Variants in NT5DC1 observed in about 807,000 individuals in gnomAD.
NT5DC1 encodes the protein 5'-nucleotidase domain containing 1, also known as 5'-nucleotidase domain-containing protein 1.
A neutral mutation model predicts 59.4 loss-of-function variants in NT5DC1; 42 were observed. The ratio of observed to expected loss-of-function variants is 0.71; its 90% confidence interval spans 0.55 to 0.92. NT5DC1 has a LOEUF of 0.92. Among genes scored for constraint, NT5DC1 ranks in the 40% least tolerant of loss-of-function variants. The probability of loss-of-function intolerance (pLI) is 0.00; values close to 1 mark genes in which losing one functional copy is unlikely to be tolerated. For missense variants in NT5DC1, 501 were observed against 537.1 expected, an observed-to-expected ratio of 0.93 and a Z score of 0.66; for synonymous variants, 172 against 188.1, an observed-to-expected ratio of 0.91 and a Z score of 0.70.
At chr6:116,129,189 C>T (rs1301348699) in intron 6 of NT5DC1, among the ~76,000 whole-genome samples, 1 of 152,098 alleles carries the variant, frequency 6.6e-6, no homozygotes, top group Non-Finnish European at 1.5e-5. Flanking sequence ...TCATCAAATC[C>T]TGTAGTTCAC....
In NT5DC1 at chr6:116,245,619, TGAAA is replaced by T. The variant is rs1771832844; in HGVS notation, c.*1598_*1601del. ...ATAAATAATCAAGCTTAGGACTAAA[TGAAA>T]GATACTATCTCATGTATGCTTTAAA... On this transcript the variant is annotated 3_prime_UTR_variant, in exon 12 of 12. Transcript: ENST00000319550. 6.6e-6 allele frequency: 1 copy of T among 152,210 alleles called. No homozygotes were observed. Among genetic ancestry groups the T allele is most frequent in the Non-Finnish European group, 1.5e-5 (1 of 67,996 alleles). The allele number at this position is 152,210 out of a possible 1,614,324, so 9.4% of individuals were successfully genotyped here.
chr6:116,207,695 C>T (rs1181645341), intron 6 of NT5DC1, among the ~76,000 whole-genome samples: 1 of 151,802 alleles, frequency 6.6e-6, no homozygotes, highest in African/African-American at 2.4e-5. Context: ...GTTAAAAGCC[C>T]TGCTTAGAGT....
chr6:116,129,043 T>C lies in NT5DC1; in HGVS notation c.529+11098T>C, dbSNP rs181725126. On this transcript the variant is annotated intron_variant, in intron 6 of 11. Transcript: ENST00000319550. ...AATTCTCTTTTCATTCACCACTCCT[T>C]CAAATTTTGAAGTAAATCCCATATA... Among the ~76,000 whole-genome samples, 440 of 152,294 alleles carry C rather than the reference T, an allele frequency of 2.9e-3. 10 individuals are homozygous for C. The South Asian group carries it at 0.044, about 15-fold the overall frequency.
Position 116,182,222 on chromosome 6 carries a change from A to AGAGAGAGAGAGTGTGTGTGT in NT5DC1, c.530-38831_530-38830insAGAGAGAGAGTGTGTGTGTG, listed in dbSNP as rs148509481. Among the ~76,000 whole-genome samples, 8 of 124,688 alleles carry AGAGAGAGAGAGTGTGTGTGT rather than the reference A, an allele frequency of 6.4e-5. No homozygotes were observed. In the South Asian group the frequency reaches 2.3e-3, roughly 35 times the overall value. 81.8% of individuals were successfully genotyped at this position (124,688 alleles called of 152,430 possible). ...TATGGCTGAGTAGTATTCCATGGAG[A>AGAGAGAGAGAGTGTGTGTGT]GTGTGTGTGTGTGTGTGTGTGTGTG... On this transcript the variant is annotated intron_variant, in intron 6 of 11. Transcript: ENST00000319550.
At chr6:116,160,818 T>G (rs571143628) in intron 6 of NT5DC1, among the ~76,000 whole-genome samples, 78 of 152,244 alleles carry the variant, frequency 5.1e-4, no homozygotes, top group African/African-American at 1.7e-3. Flanking sequence ...GAAATAGGGG[T>G]CCACCAGCCA....
In NT5DC1 at chr6:116,238,161, A is replaced by G. The variant is rs75645140; in HGVS notation, c.922-26A>G. 11,689 of 1,549,484 alleles carry G rather than the reference A, an allele frequency of 7.5e-3. 755 individuals carry two copies. In the African/African-American group the frequency reaches 0.14, roughly 19 times the overall value. ...GCCACTTTCACAATTCTGTGCCTCA[A>G]ACAGCATCTGCTATCTGTCTTACAG... On this transcript the variant is annotated intron_variant, in intron 9 of 11. Transcript: ENST00000319550.
Position 116,221,111 on chromosome 6 carries a change from G to T in NT5DC1, c.587G>T (p.Ser196Ile). ...AGAGATCCAGGCAGATATTTACATAGTTGTCCTGAATCTGTGAAAAAATGG... is the reference window on the plus strand; with the variant it reads ...AGAGATCCAGGCAGATATTTACATATTTGTCCTGAATCTGTGAAAAAATGG... ...IKRDPGRYLH[S>I]CPESVKKWLR... The change falls in exon 7 of 12, where the codon AGT becomes ATT. Residue 196 changes from serine (S) to isoleucine (I), a missense_variant. Transcript: ENST00000319550. 6.4e-7 allele frequency: 1 copy of T among 1,573,146 alleles called. No homozygotes were observed. Among genetic ancestry groups the T allele is most frequent in the Non-Finnish European group, 8.7e-7 (1 of 1,144,030 alleles).
intron 11 of NT5DC1, among the ~76,000 whole-genome samples, chr6:116,243,487 A>G (rs907056536): frequency 3.3e-5 from 5 of 152,208 alleles, no homozygotes; most frequent in Non-Finnish European, 7.3e-5. Flanking sequence ...CCTTTGATAG[A>G]CCTTTTCTGT....
At chr6:116,126,505 G>A (rs964043821) in intron 6 of NT5DC1, among the ~76,000 whole-genome samples, 10 of 151,772 alleles carry the variant, frequency 6.6e-5, no homozygotes, top group African/African-American at 9.7e-5. Context: ...ACATAAAAGC[G>A]GATAAAATTC....
intron 6 of NT5DC1, among the ~76,000 whole-genome samples, chr6:116,205,282 A>G (rs903995998): frequency 6.6e-6 from 1 of 151,996 alleles, no homozygotes; most frequent in Non-Finnish European, 1.5e-5. Flanking sequence ...TAAAATGACA[A>G]CAATGATACT....
chr6:116,106,787 C>T (rs1477454547), intron 2 of NT5DC1, among the ~76,000 whole-genome samples: 1 of 152,224 alleles, frequency 6.6e-6, no homozygotes, highest in South Asian at 2.1e-4. Context: ...AAGACTCTTA[C>T]TGGGAATTCC....
rs544895054 is a variant in NT5DC1, at chr6:116,121,488, G to T, written c.529+3543G>T. ...CCAGGAGGGCCAGATGGTCCTGTGG[G>T]ACCCTGAGGGCCTGGAAGACCCCTC... On this transcript the variant is annotated intron_variant, in intron 6 of 11. Transcript: ENST00000319550. 3.7e-6 allele frequency: 6 copies of T among 1,614,084 alleles called. No individual in the cohort carries two copies. The African/African-American group carries it at 8.0e-5, about 22-fold the overall frequency.
At chr6:116,106,834 G>C (rs751632592) in intron 2 of NT5DC1, among the ~76,000 whole-genome samples, 1 of 152,098 alleles carries the variant, frequency 6.6e-6, no homozygotes, top group Non-Finnish European at 1.5e-5. Flanking sequence ...CCAAAGCTTC[G>C]TTTGTCTTCC....
At chr6:116,178,522 T>C (rs1780802409) in intron 6 of NT5DC1, among the ~76,000 whole-genome samples, 1 of 152,194 alleles carries the variant, frequency 6.6e-6, no homozygotes, top group Non-Finnish European at 1.5e-5. Flanking sequence ...CTAACCGACT[T>C]CCAGTCATTT....
chr6:116,101,088 C>T (rs1376313934), intron 1 of NT5DC1, 65 bp downstream of exon 1: 2 of 1,269,626 alleles, frequency 1.6e-6, no homozygotes, highest in Non-Finnish European at 2.2e-6. Context: ...CTTGAGTTTC[C>T]TCCAGGTTTG....
intron 6 of NT5DC1, among the ~76,000 whole-genome samples, chr6:116,156,460 A>G (rs1780196012): frequency 1.3e-5 from 2 of 152,320 alleles, no homozygotes; most frequent in African/African-American, 2.4e-5. Flanking sequence ...AGTCTGCCTC[A>G]TAAGGGATTA....
At chr6:116,240,862 G>A (rs1045669829) in intron 11 of NT5DC1, among the ~76,000 whole-genome samples, 3 of 152,164 alleles carry the variant, frequency 2.0e-5, no homozygotes, top group African/African-American at 7.2e-5. Flanking sequence ...GTAAAATATT[G>A]GCCGGATGTG....
intron 6 of NT5DC1, among the ~76,000 whole-genome samples, chr6:116,213,199 G>C (rs1028919459): frequency 1.3e-5 from 2 of 152,044 alleles, no homozygotes; most frequent in African/African-American, 4.8e-5. Flanking sequence ...CTCTCCTGTG[G>C]TTGCAGTCAG....
chr6:116,120,374 T>C, intron 6 of NT5DC1: 1 of 1,614,264 alleles, frequency 6.2e-7, no homozygotes, highest in Non-Finnish European at 8.5e-7. Flanking sequence ...TGGGTCATAA[T>C]GCTGTTGCCT....
Sources: gnomAD v4.1 joint callset for allele counts (sites outside exome capture counted in the v4.1 genomes callset) on GRCh38, gnomAD v4.1.1 for gene constraint, MANE v1.5 for transcripts, NCBI Gene and HGNC (gene_info 2026-07-23, HGNC 2026-07-21) for gene names.